The following RASAL2 variants were observed in gnomAD, a reference collection of about 807,000 sequenced individuals.
RASAL2 encodes the protein ras GTPase-activating protein nGAP.
In RASAL2, 58 loss-of-function variants were observed where a neutral mutation model predicts 128.9. That is an observed-to-expected ratio of 0.45 (90% CI 0.36 to 0.56). The LOEUF is 0.56. RASAL2 is among the 20% of genes least tolerant of loss of function. The probability of loss-of-function intolerance (pLI) is 0.00; values close to 1 mark genes in which losing one functional copy is unlikely to be tolerated. For missense variants in RASAL2, 1,360 were observed against 1,601.6 expected (o/e 0.85, Z 2.57); for synonymous variants, 561 against 580.8 (o/e 0.97, Z 0.49).
intron 1 of RASAL2, among the ~76,000 whole-genome samples, chr1:178,242,347 A>G (rs1253521176): frequency 6.6e-6 from 1 of 151,982 alleles, no homozygotes; most frequent in Non-Finnish European, 1.5e-5. Flanking sequence ...ATCTTTTAAC[A>G]TATCTTTTCT....
chr1:178,428,473 C>CTTTTTTTTTTTT (rs1557981640), intron 5 of RASAL2, among the ~76,000 whole-genome samples: 1 of 151,378 alleles, frequency 6.6e-6, no homozygotes, highest in African/African-American at 2.4e-5. Flanking sequence ...ATGATTTTAG[C>CTTTTTTTTTTTT]TTTTATATAT....
intron 1 of RASAL2, among the ~76,000 whole-genome samples, chr1:178,265,878 A>G (rs1476653792): frequency 6.6e-6 from 1 of 152,212 alleles, no homozygotes; most frequent in African/African-American, 2.4e-5. Context: ...CATCTTTTGT[A>G]TCTTTTTTTG....
At chr1:178,197,667 T>C (rs965612600) in intron 1 of RASAL2, among the ~76,000 whole-genome samples, 1 of 152,130 alleles carries the variant, frequency 6.6e-6, no homozygotes, top group South Asian at 2.1e-4. Flanking sequence ...TCGGCAATTT[T>C]ATTTCTGCCT....
Position 178,465,951 on chromosome 1 carries a change from G to A in RASAL2, c.3419G>A (p.Arg1140His), listed in dbSNP as rs201632178. The part of the protein sequence containing the change: ...YEQEITKLKE[R>H]LRVSSRRLEE... The stretch of plus-strand genomic sequence containing the variant: ...CAAGAAATTACTAAACTGAAGGAGC[G>A]CCTGAGAGTTTCCAGCCGGCGACTG... The change falls in exon 16 of 18, where the codon CGC becomes CAC. Residue 1140 changes from arginine (R) to histidine (H), a missense_variant. This residue lies in a region of RASAL2 where 741 missense variants were observed against 868.6 expected (regional missense o/e 0.85). Transcript: ENST00000367649. The A allele has an allele frequency of 1.4e-4, 210 of 1,554,632 alleles. No homozygotes were observed. Among genetic ancestry groups the A allele is most frequent in the Middle Eastern group, 1.7e-4 (1 of 6,000 alleles).
intron 3 of RASAL2, among the ~76,000 whole-genome samples, chr1:178,318,713 A>G (rs1453940641): frequency 1.3e-5 from 2 of 152,054 alleles, no homozygotes; most frequent in Admixed American, 6.5e-5. Flanking sequence ...GGTTTCCTGA[A>G]TACAGCACAC....
At chr1:178,218,012 C>T (rs1208921502) in intron 1 of RASAL2, among the ~76,000 whole-genome samples, 1 of 152,194 alleles carries the variant, frequency 6.6e-6, no homozygotes, top group African/African-American at 2.4e-5. Flanking sequence ...AAACTTCCAT[C>T]TCAAGAAGCC....
chr1:178,348,774 C>G (rs1213908414), intron 3 of RASAL2, among the ~76,000 whole-genome samples: 1 of 150,948 alleles, frequency 6.6e-6, no homozygotes, highest in Non-Finnish European at 1.5e-5. Flanking sequence ...AGAATGTGAG[C>G]AGGACACCAG....
intron 15 of RASAL2, 93 bp downstream of exon 15, chr1:178,464,505 C>A: frequency 1.4e-6 from 2 of 1,420,430 alleles, no homozygotes; most frequent in Admixed American, 1.9e-5. Flanking sequence ...CATCCCACCC[C>A]CATCTTCACC....
At chr1:178,163,158 G>A (rs149760598) in intron 1 of RASAL2, among the ~76,000 whole-genome samples, 135 of 151,460 alleles carry the variant, frequency 8.9e-4, no homozygotes, top group African/African-American at 2.7e-3. Context: ...AGTAGAGATG[G>A]GGTTTCACCA....
intron 1 of RASAL2, among the ~76,000 whole-genome samples, chr1:178,151,363 C>T: frequency 6.6e-6 from 1 of 152,222 alleles, no homozygotes; most frequent in East Asian, 1.9e-4. Context: ...CGAGATCGCA[C>T]CACTTCACTC....
At chr1:178,457,326 C>A (rs955563380) in intron 13 of RASAL2, among the ~76,000 whole-genome samples, 1 of 152,272 alleles carries the variant, frequency 6.6e-6, no homozygotes, top group African/African-American at 2.4e-5. Flanking sequence ...TTGCAGGGAC[C>A]TTTCAGTTGT....
rs564157956 is a variant in RASAL2, at chr1:178,411,768, G to C, written c.565-8743G>C. On this transcript the variant is annotated intron_variant, in intron 4 of 17. Coordinates refer to ENST00000367649, the MANE Select transcript of RASAL2 (RefSeq NM_170692.4). ...TGAAGGCAGACCGAGATGAATCCTC[G>C]CCATGTGCTGCTTTTTTGGCTGCCC... 7 of 788,026 alleles carry C rather than the reference G, an allele frequency of 8.9e-6. No individual in the cohort carries two copies. In the African/African-American group the frequency reaches 1.2e-4, roughly 13 times the overall value. 48.8% of individuals were successfully genotyped at this position (788,026 alleles called of 1,614,324 possible). A position where few individuals can be genotyped will look rare whatever the true frequency, so the allele number is the denominator to read the frequency against.
At chr1:178,436,555 A>C (rs560093672) in intron 5 of RASAL2, among the ~76,000 whole-genome samples, 1 of 152,206 alleles carries the variant, frequency 6.6e-6, no homozygotes, top group East Asian at 1.9e-4. Flanking sequence ...TTTCAGTAAA[A>C]TAATACCTAG....
intron 2 of RASAL2, among the ~76,000 whole-genome samples, chr1:178,294,394 TA>T (rs1186951056): frequency 7.9e-5 from 12 of 152,290 alleles, no homozygotes; most frequent in Admixed American, 7.8e-4. Flanking sequence ...GACATGATCG[TA>T]TTTGCATTTT....
chr1:178,153,226 C>T (rs908651666), intron 1 of RASAL2, among the ~76,000 whole-genome samples: 1 of 152,062 alleles, frequency 6.6e-6, no homozygotes. Flanking sequence ...TCTTGCTCCC[C>T]TGCATGTTCT....
At chr1:178,307,973 T>A (rs1002177559) in intron 3 of RASAL2, among the ~76,000 whole-genome samples, 3 of 152,188 alleles carry the variant, frequency 2.0e-5, no homozygotes, top group Non-Finnish European at 4.4e-5. Flanking sequence ...AACAGAAAGT[T>A]CAGATTGAAC....
At chr1:178,346,111 T>C (rs1176731273) in intron 3 of RASAL2, among the ~76,000 whole-genome samples, 3 of 152,212 alleles carry the variant, frequency 2.0e-5, no homozygotes, top group African/African-American at 7.2e-5. Context: ...AAATATTTTA[T>C]CTTTCATATA....
At chr1:178,451,904 A>G (rs1459292576) in intron 10 of RASAL2, among the ~76,000 whole-genome samples, 189 bp downstream of exon 10, 1 of 152,200 alleles carries the variant, frequency 6.6e-6, no homozygotes, top group Non-Finnish European at 1.5e-5. Flanking sequence ...TATTGTAAGC[A>G]GAAGTACTTT....
intron 1 of RASAL2, among the ~76,000 whole-genome samples, chr1:178,266,165 T>C (rs1404009275): frequency 6.6e-6 from 1 of 152,250 alleles, no homozygotes; most frequent in Non-Finnish European, 1.5e-5. Flanking sequence ...TTTTAGTTAA[T>C]ATTGTCCAAC....
Sources: allele counts gnomAD v4.1 joint callset (sites outside exome capture counted in the v4.1 genomes callset), GRCh38; gene constraint gnomAD v4.1.1; regional missense constraint gnomAD v4.1.1; transcripts MANE v1.5; gene names NCBI Gene and HGNC (gene_info 2026-07-23, HGNC 2026-07-21).